Variants in AGBL1 observed in about 807,000 individuals in gnomAD.
The protein encoded by AGBL1 is cytosolic carboxypeptidase 4.
AGBL1 carries 130 observed loss-of-function variants against 118.9 expected under a neutral mutation model. The observed-to-expected ratio is 1.09, with a 90% CI of 0.95 to 1.26. The LOEUF is 1.26. Among genes scored for constraint, AGBL1 ranks in the 50% most tolerant of loss-of-function variants. The probability of loss-of-function intolerance (pLI) is 0.00; values close to 1 mark genes in which losing one functional copy is unlikely to be tolerated. For synonymous variants in AGBL1, 555 were observed against 478.9 expected, an observed-to-expected ratio of 1.16 and a Z score of -2.08; for missense variants, 1,584 against 1,298.1, an observed-to-expected ratio of 1.22 and a Z score of -3.38.
At chr15:87,021,667 C>T (rs1594754) in intron 24 of AGBL1, among the ~76,000 whole-genome samples, 1 of 151,904 alleles carries the variant, frequency 6.6e-6, no homozygotes, top group Non-Finnish European at 1.5e-5. Flanking sequence ...CATACAACCC[C>T]ATTAAAACGT....
At chr15:86,468,627 A>T (rs2082437945) in intron 18 of AGBL1, among the ~76,000 whole-genome samples, 1 of 152,030 alleles carries the variant, frequency 6.6e-6, no homozygotes, top group Non-Finnish European at 1.5e-5. Flanking sequence ...TTTTTTTCAG[A>T]TTTAAATTGG....
chr15:86,922,863 C>T (rs62032648), intron 23 of AGBL1, among the ~76,000 whole-genome samples: 16,935 of 152,110 alleles, frequency 0.11, 999 homozygotes, highest in African/African-American at 0.14. Flanking sequence ...TCTGAAGCAA[C>T]GGTTTAGATA....
chr15:87,031,307 G>T (rs1443806976), downstream of AGBL1, among the ~76,000 whole-genome samples: 1 of 151,718 alleles, frequency 6.6e-6, no homozygotes, highest in Admixed American at 6.6e-5. Flanking sequence ...GGCAAAATTG[G>T]AAAAAGAAGA....
chr15:86,253,485 G>A (rs995678512), intron 7 of AGBL1, among the ~76,000 whole-genome samples: 23 of 152,028 alleles, frequency 1.5e-4, no homozygotes, highest in African/African-American at 4.6e-4. Flanking sequence ...TCTTGATGTC[G>A]TGATCCACCT....
intron 17 of AGBL1, among the ~76,000 whole-genome samples, chr15:86,314,099 C>G (rs2079961559): frequency 6.6e-6 from 1 of 152,196 alleles, no homozygotes; most frequent in Non-Finnish European, 1.5e-5. Flanking sequence ...TTCCTGCTCT[C>G]CCTCCTGGTG....
intron 22 of AGBL1, among the ~76,000 whole-genome samples, chr15:86,895,095 C>T (rs956829199): frequency 5.9e-5 from 9 of 151,576 alleles, no homozygotes; most frequent in African/African-American, 2.2e-4. Flanking sequence ...TATCTTCCCT[C>T]CTTCCCTTTC....
intron 19 of AGBL1, among the ~76,000 whole-genome samples, chr15:86,524,578 A>G (rs1019667994): frequency 1.3e-5 from 2 of 152,166 alleles, no homozygotes; most frequent in African/African-American, 4.8e-5. Flanking sequence ...CAAATATCCT[A>G]CGTGGCTGAT....
At chr15:87,014,596 G>C (rs2081591567) in intron 24 of AGBL1, among the ~76,000 whole-genome samples, 1 of 152,130 alleles carries the variant, frequency 6.6e-6, no homozygotes, top group Admixed American at 6.6e-5. Context: ...CTTAAGAAGT[G>C]TTCAGATTAA....
chr15:86,783,476 G>T (rs2078362764), intron 22 of AGBL1, among the ~76,000 whole-genome samples: 1 of 152,224 alleles, frequency 6.6e-6, no homozygotes, highest in Non-Finnish European at 1.5e-5. Flanking sequence ...CAGGAAGAAT[G>T]TGTGGTCTAT....
intron 22 of AGBL1, among the ~76,000 whole-genome samples, chr15:86,838,941 T>TAAAAAAAAAAAGAAAAAAAAAAAAA (rs2079205880): frequency 2.1e-5 from 1 of 48,006 alleles, no homozygotes. Context: ...TGAGATCCTG[T>TAAAAAAAAAAAGAAAAAAAAAAAAA]AAAAAAAAAA....
chr15:86,800,713 T>A (rs1053621629), intron 22 of AGBL1, among the ~76,000 whole-genome samples: 1 of 152,158 alleles, frequency 6.6e-6, no homozygotes, highest in African/African-American at 2.4e-5. Flanking sequence ...CCTGGCAAGT[T>A]CATTGCAGAA....
At chr15:86,464,202 T>C (rs1465934651) in intron 18 of AGBL1, among the ~76,000 whole-genome samples, 1 of 152,166 alleles carries the variant, frequency 6.6e-6, no homozygotes, top group African/African-American at 2.4e-5. Context: ...TTTGTAGAAA[T>C]TGGGAATGGG....
chr15:86,875,967 A>T (rs1298418621), intron 22 of AGBL1, among the ~76,000 whole-genome samples: 1 of 152,162 alleles, frequency 6.6e-6, no homozygotes, highest in Non-Finnish European at 1.5e-5. Context: ...GAAGGAAACA[A>T]AGTGATCCCT....
chr15:86,247,809 C>T lies in AGBL1; in HGVS notation c.665C>T (p.Ala222Val). The T allele has an allele frequency of 6.2e-7, 1 of 1,614,006 alleles. No individual in the cohort carries two copies. The highest frequency in any genetic ancestry group is 8.5e-7 in the Non-Finnish European group (1 of 1,179,898). ...RGLLLCLRHI[A>V]ALRSGREAFL... ...TTGCTGCTCTGCCTCAGGCACATTG[C>T]TGCCCTCCGGTCCGGCAGGGAGGCC... Residue 222 changes from alanine (A) to valine (V), a missense_variant, in exon 7 of 23, where the codon GCT becomes GTT. Ala to Val is a moderately conservative substitution (Grantham distance 64). Transcript: ENST00000614907.
At chr15:86,777,674 C>G (rs1432961912) in intron 22 of AGBL1, among the ~76,000 whole-genome samples, 1 of 152,002 alleles carries the variant, frequency 6.6e-6, no homozygotes, top group East Asian at 1.9e-4. Flanking sequence ...TACATTCAGG[C>G]CAAACATGTT....
chr15:86,766,258 A>G (rs985318717), intron 22 of AGBL1, among the ~76,000 whole-genome samples: 2 of 151,920 alleles, frequency 1.3e-5, no homozygotes, highest in Admixed American at 1.3e-4. Context: ...CCCAGGGTGT[A>G]CCGCCTCCTA....
In AGBL1 at chr15:86,213,123, C is replaced by T. The variant is rs140473592; in HGVS notation, c.489-11791C>T. 5.3e-3 allele frequency among the ~76,000 whole-genome samples: 802 copies of T among 152,322 alleles called. 4 individuals carry two copies. Among genetic ancestry groups the T allele is most frequent in the African/African-American group, 0.012 (500 of 41,566 alleles). On this transcript the variant is annotated intron_variant, in intron 5 of 22. Transcript: ENST00000614907. ...GAATAACTGCCCTTACTGTCTGGAACCGCAGACCTTAGTTAGGAAAGAGTT... is the reference window on the plus strand; with the variant it reads ...GAATAACTGCCCTTACTGTCTGGAATCGCAGACCTTAGTTAGGAAAGAGTT...
chr15:86,264,774 G>C lies in AGBL1; in HGVS notation c.1603G>C (p.Val535Leu), dbSNP rs753190553. Residue 535 changes from valine (V) to leucine (L), a missense_variant, in exon 11 of 23, where the codon GTC (valine) becomes CTC (leucine). Transcript: ENST00000614907. ...CTTCAAGATGATGGCATTTCCTGAT[G>C]TCTGGGGACACTGTCCCCCTCCCAC... ...VDFKMMAFPD[V>L]WGHCPPPTTQ... 5.0e-6 allele frequency: 8 copies of C among 1,613,910 alleles called. No individual in the cohort carries two copies. In the Admixed American group the frequency reaches 1.3e-4, roughly 27 times the overall value.
At chr15:86,639,386 G>C (rs2085155027) in intron 21 of AGBL1, among the ~76,000 whole-genome samples, 1 of 152,192 alleles carries the variant, frequency 6.6e-6, no homozygotes, top group Non-Finnish European at 1.5e-5. Flanking sequence ...CAACTCCAAA[G>C]TGTTACTCTG....
Sources: gnomAD v4.1 joint callset for allele counts (sites outside exome capture counted in the v4.1 genomes callset) on GRCh38, gnomAD v4.1.1 for gene constraint, MANE v1.5 for transcripts, NCBI Gene and HGNC (gene_info 2026-07-23, HGNC 2026-07-21) for gene names.